RPRD1B: variants seen among roughly 807,000 people sequenced by gnomAD.
The protein encoded by RPRD1B is regulation of nuclear pre-mRNA domain-containing protein 1B.
RPRD1B carries 11 observed loss-of-function variants against 41.5 expected under a neutral mutation model. That is an observed-to-expected ratio of 0.27 (90% CI 0.17 to 0.44). The LOEUF (loss-of-function observed/expected upper bound fraction) is 0.44. Ranked by LOEUF, RPRD1B falls within the 20% of genes least tolerant of loss-of-function variation. The probability of loss-of-function intolerance (pLI) is 1.00; values close to 1 mark genes in which losing one functional copy is unlikely to be tolerated. For synonymous variants in RPRD1B, 158 were observed against 155.6 expected, an observed-to-expected ratio of 1.02 and a Z score of -0.12; for missense variants, 248 against 389.9, an observed-to-expected ratio of 0.64 and a Z score of 3.06.
At chr20:38,066,468 G>A (rs2074357302) in intron 6 of RPRD1B, among the ~76,000 whole-genome samples, 1 of 152,216 alleles carries the variant, frequency 6.6e-6, no homozygotes, top group South Asian at 2.1e-4. Flanking sequence ...AAACTGGATT[G>A]TAGGAAACAA....
At chr20:38,086,209 G>C (rs73098444) in intron 6 of RPRD1B, among the ~76,000 whole-genome samples, 6,975 of 152,244 alleles carry the variant, frequency 0.046, 216 homozygotes, top group Non-Finnish European at 0.066. Context: ...GCAGGGATGG[G>C]GAGTGGGAAA....
chr20:38,058,227 C>T (rs1203769746), intron 4 of RPRD1B, among the ~76,000 whole-genome samples: 3 of 152,008 alleles, frequency 2.0e-5, no homozygotes, highest in Admixed American at 6.5e-5. Context: ...TGTCTGACTT[C>T]AGAGCCCATG....
chr20:38,044,596 G>C (rs1391468050), intron 2 of RPRD1B, among the ~76,000 whole-genome samples: 2 of 152,062 alleles, frequency 1.3e-5, no homozygotes, highest in African/African-American at 4.8e-5. Flanking sequence ...GGATGGTCTT[G>C]ATCTCCTGAC....
At position 38,044,483 on chromosome 20, in the gene RPRD1B, C is replaced by T. The variant is rs1308053313; in HGVS notation, c.282-3865C>T. On this transcript the variant is annotated intron_variant, in intron 2 of 6. Coordinates refer to ENST00000373433, the MANE Select transcript of RPRD1B (RefSeq NM_021215.4). ...CCGCCTCTCGGGTTCATGCCATTCTCCTGCCTCAGCCTCCCAAGTAGCTGG... is the reference window on the plus strand; with the variant it reads ...CCGCCTCTCGGGTTCATGCCATTCTTCTGCCTCAGCCTCCCAAGTAGCTGG... Among the ~76,000 whole-genome samples the T allele has an allele frequency of 2.0e-5, 3 of 150,144 alleles. No individual in the cohort carries two copies. The South Asian group carries it at 6.3e-4, about 31-fold the overall frequency.
intron 3 of RPRD1B, among the ~76,000 whole-genome samples, chr20:38,055,189 TAAAC>T (rs1057377414): frequency 6.6e-6 from 1 of 152,202 alleles, no homozygotes; most frequent in African/African-American, 2.4e-5. Context: ...AAAGAGATAA[TAAAC>T]TAATAGTTAT....
chr20:38,040,914 CATAACTT>C (rs2122693747), intron 2 of RPRD1B, among the ~76,000 whole-genome samples: 1 of 152,314 alleles, frequency 6.6e-6, no homozygotes, highest in South Asian at 2.1e-4. Context: ...CTTTTAGTAA[CATAACTT>C]AATAGCAAGA....
chr20:38,040,053 A>T (rs976364972), intron 1 of RPRD1B, among the ~76,000 whole-genome samples: 1 of 152,184 alleles, frequency 6.6e-6, no homozygotes, highest in Non-Finnish European at 1.5e-5. Context: ...TTTCATTCTG[A>T]AATATTTGAT....
chr20:38,074,542 C>G (rs182184242), intron 6 of RPRD1B, among the ~76,000 whole-genome samples: 2 of 152,302 alleles, frequency 1.3e-5, no homozygotes, highest in East Asian at 3.9e-4. Flanking sequence ...GCCATAGTAC[C>G]GTTTTCATAT....
At chr20:38,047,808 G>A (rs1013451863) in intron 2 of RPRD1B, among the ~76,000 whole-genome samples, 1 of 152,036 alleles carries the variant, frequency 6.6e-6, no homozygotes, top group Non-Finnish European at 1.5e-5. Flanking sequence ...CTGGACTATG[G>A]ACTTAGCCCA....
Position 38,090,044 on chromosome 20 carries a change from C to T in RPRD1B, c.*169C>T, listed in dbSNP as rs995229434. Reference sequence around the variant, plus strand: ...CTCCTCTTCAGCCTCTCATCTTGAGCACAGTTCAGAACAGTGGCGACTGGA... The same window carrying T: ...CTCCTCTTCAGCCTCTCATCTTGAGTACAGTTCAGAACAGTGGCGACTGGA... On this transcript the variant is annotated 3_prime_UTR_variant, in exon 7 of 7. Transcript: ENST00000373433. 27 of 1,424,078 alleles carry T rather than the reference C, an allele frequency of 1.9e-5. No individual in the cohort carries two copies. Among genetic ancestry groups the T allele is most frequent in the African/African-American group, 2.9e-5 (2 of 69,630 alleles). 88.2% of individuals were successfully genotyped at this position (1,424,078 alleles called of 1,614,324 possible).
intron 6 of RPRD1B, among the ~76,000 whole-genome samples, chr20:38,066,755 A>C (rs1253716285): frequency 2.0e-5 from 3 of 151,970 alleles, no homozygotes; most frequent in African/African-American, 7.3e-5. Context: ...TCCCAGGTTC[A>C]CGCCATTCTC....
chr20:38,059,373 GT>G lies in RPRD1B; in HGVS notation c.529-18del, dbSNP rs2074274138. On this transcript the variant is annotated intron_variant, in intron 4 of 6. Transcript: ENST00000373433. Reference sequence around the variant, plus strand: ...ACCCCATGTCTTAATGGGTAGTGTTGTTTGTGTTTTCATCTTACAGACTGAG... The same window carrying G: ...ACCCCATGTCTTAATGGGTAGTGTTGTTGTGTTTTCATCTTACAGACTGAG... The G allele has an allele frequency of 1.9e-6, 3 of 1,605,292 alleles. No individual in the cohort carries two copies. Among genetic ancestry groups the G allele is most frequent in the African/African-American group, 1.3e-5 (1 of 74,526 alleles).
chr20:38,066,363 A>G (rs2074356252), intron 6 of RPRD1B, 107 bp downstream of exon 6: 1 of 1,070,924 alleles, frequency 9.3e-7, no homozygotes, highest in African/African-American at 1.6e-5. Flanking sequence ...TCGTTTAAAA[A>G]TTCATGATGT....
At position 38,090,792 on chromosome 20, in the gene RPRD1B, A is replaced by G; in HGVS notation, c.*917A>G. On this transcript the variant is annotated 3_prime_UTR_variant, in exon 7 of 7. Coordinates refer to ENST00000373433, the MANE Select transcript of RPRD1B (RefSeq NM_021215.4). ...TTCTTGGACCCTTTCTTCTGGGAGT[A>G]GGGTACACACTAACGTTTAATCCGC... 2 of 985,390 alleles carry G rather than the reference A, an allele frequency of 2.0e-6. No individual in the cohort carries two copies. The highest frequency in any genetic ancestry group is 2.4e-6 in the Non-Finnish European group (2 of 829,912). The allele number at this position is 985,390 out of a possible 1,614,324, so 61.0% of individuals were successfully genotyped here.
chr20:38,061,919 T>G (rs2074301586), intron 5 of RPRD1B, among the ~76,000 whole-genome samples: 1 of 152,136 alleles, frequency 6.6e-6, no homozygotes. Context: ...TATGTAATCT[T>G]ATATGGCCAA....
chr20:38,062,175 A>C (rs1372302083), intron 5 of RPRD1B, among the ~76,000 whole-genome samples: 1 of 152,228 alleles, frequency 6.6e-6, no homozygotes, highest in Non-Finnish European at 1.5e-5. Context: ...AATTTGCTAC[A>C]GTAGCAGTGG....
intron 2 of RPRD1B, among the ~76,000 whole-genome samples, chr20:38,042,598 A>G (rs1388376630): frequency 6.6e-6 from 1 of 152,058 alleles, no homozygotes; most frequent in African/African-American, 2.4e-5. Flanking sequence ...TGGTTCTTTT[A>G]AGATTCTGCT....
rs550898620 is a variant in RPRD1B at position 38,085,193 on chromosome 20, G to A, written c.832-4533G>A. ...TGAAGATGAGAGTGCTGGAGAGAGCGTTGTGCGCTGTGGTTGAGAAGAGTG... is the reference window on the plus strand; with the variant it reads ...TGAAGATGAGAGTGCTGGAGAGAGCATTGTGCGCTGTGGTTGAGAAGAGTG... On this transcript the variant is annotated intron_variant, in intron 6 of 6. Coordinates refer to ENST00000373433, the MANE Select transcript of RPRD1B (RefSeq NM_021215.4). Among the ~76,000 whole-genome samples, 7 of 152,310 alleles carry A rather than the reference G, an allele frequency of 4.6e-5. No individual in the cohort carries two copies. In the South Asian group the frequency reaches 8.3e-4, roughly 18 times the overall value.
chr20:38,075,059 C>G (rs1009037189), intron 6 of RPRD1B, among the ~76,000 whole-genome samples: 7 of 152,192 alleles, frequency 4.6e-5, no homozygotes, highest in Non-Finnish European at 7.4e-5. Context: ...ATGTTTCTGT[C>G]TCTGTCTCTT....
Sources: allele counts gnomAD v4.1 joint callset (sites outside exome capture counted in the v4.1 genomes callset), GRCh38; gene constraint gnomAD v4.1.1; transcripts MANE v1.5; gene names NCBI Gene and HGNC (gene_info 2026-07-23, HGNC 2026-07-21).